The following ULK2 variants were observed in gnomAD, a reference collection of about 807,000 sequenced individuals.
ULK2 encodes unc-51 like autophagy activating kinase 2, also known as serine/threonine-protein kinase ULK2.
Under a neutral mutation model 127.5 loss-of-function variants are expected in ULK2, and 76 were observed. That is an observed-to-expected ratio of 0.60 (90% CI 0.50 to 0.72). The LOEUF (loss-of-function observed/expected upper bound fraction) is 0.72, where lower values mean the gene tolerates loss of function less well. Among genes scored for constraint, ULK2 ranks in the 30% least tolerant of loss-of-function variants. The pLI is 0.00. For synonymous variants in ULK2, 452 were observed against 461.9 expected (o/e 0.98, Z 0.28); for missense variants, 1,144 against 1,295.9 (o/e 0.88, Z 1.80).
intron 12 of ULK2, among the ~76,000 whole-genome samples, chr17:19,822,008 T>C (rs933964745): frequency 1.3e-5 from 2 of 151,390 alleles, no homozygotes; most frequent in Non-Finnish European, 2.9e-5. Context: ...TTTTTTTTTT[T>C]CTTTGAGAGA....
At chr17:19,817,651 T>A (rs547922402) in intron 12 of ULK2, among the ~76,000 whole-genome samples, 1 of 152,336 alleles carries the variant, frequency 6.6e-6, no homozygotes, top group Admixed American at 6.5e-5. Flanking sequence ...TGACAACTCA[T>A]TGAATATCTT....
intron 17 of ULK2, among the ~76,000 whole-genome samples, chr17:19,797,986 G>A (rs967279770): frequency 2.6e-5 from 4 of 152,020 alleles, no homozygotes; most frequent in East Asian, 1.9e-4. Context: ...GAACAATATC[G>A]TTAATGATTA....
At position 19,798,810 on chromosome 17, in the gene ULK2, A is replaced by T. The variant is rs189579832; in HGVS notation, c.1522+685T>A. ...CACACATATCTTTTCAGGCAAATAC[A>T]TATAATTTTTAAAATCTATATTATT... On this transcript the variant is annotated intron_variant, in intron 17 of 26. Transcript: ENST00000395544. 3.0e-4 allele frequency among the ~76,000 whole-genome samples: 45 copies of T among 152,304 alleles called. 1 individual carries two copies. Among genetic ancestry groups the T allele is most frequent in the Admixed American group, 2.9e-3 (44 of 15,296 alleles).
At chr17:19,866,619 TTTAAGA>T (rs1357434094) in intron 1 of ULK2, among the ~76,000 whole-genome samples, 7 of 152,238 alleles carry the variant, frequency 4.6e-5, no homozygotes, top group East Asian at 1.9e-4. Flanking sequence ...TGCCACACCC[TTTAAGA>T]TTATTTCCAC....
At chr17:19,847,662 G>A (rs879688297) in intron 5 of ULK2, among the ~76,000 whole-genome samples, 1 of 152,168 alleles carries the variant, frequency 6.6e-6, no homozygotes, top group Admixed American at 6.5e-5. Context: ...AGATTCTCCA[G>A]CTTCAGCCTC....
At chr17:19,822,213 T>C (rs909429950) in intron 12 of ULK2, among the ~76,000 whole-genome samples, 2 of 151,716 alleles carry the variant, frequency 1.3e-5, no homozygotes, top group African/African-American at 2.4e-5. Flanking sequence ...CTCAAACTCC[T>C]AATCTCAAGC....
intron 12 of ULK2, among the ~76,000 whole-genome samples, chr17:19,821,938 G>T (rs1363232208): frequency 6.6e-6 from 1 of 151,026 alleles, no homozygotes; most frequent in Non-Finnish European, 1.5e-5. Flanking sequence ...CTCCCACCTT[G>T]GCCTTCCAAA....
intron 20 of ULK2, among the ~76,000 whole-genome samples, chr17:19,794,860 C>T (rs950130367): frequency 6.6e-6 from 1 of 151,918 alleles, no homozygotes; most frequent in Non-Finnish European, 1.5e-5. Flanking sequence ...GGGTGGATCA[C>T]GAGGTCAGGA....
intron 20 of ULK2, among the ~76,000 whole-genome samples, chr17:19,790,000 T>C (rs1279939984): frequency 2.6e-5 from 4 of 151,680 alleles, no homozygotes; most frequent in African/African-American, 9.7e-5. Context: ...ACTACAACTT[T>C]TCAAGACATA....
chr17:19,840,401 G>A (rs1413895392), intron 9 of ULK2: 1 of 511,024 alleles, frequency 2.0e-6, no homozygotes, highest in Non-Finnish European at 3.9e-6. Flanking sequence ...TGGGCGCTCT[G>A]TGTGCATTTG....
intron 9 of ULK2, 94 bp downstream of exon 9, chr17:19,841,395 G>A (rs570426577): frequency 3.2e-6 from 4 of 1,262,254 alleles, no homozygotes; most frequent in Non-Finnish European, 4.4e-6. Context: ...AACTGAAAAA[G>A]AATTAAAAAA....
intron 10 of ULK2, among the ~76,000 whole-genome samples, chr17:19,828,154 T>C (rs2041342848): frequency 6.6e-6 from 1 of 152,162 alleles, no homozygotes; most frequent in Admixed American, 6.5e-5. Flanking sequence ...GAATTCTACA[T>C]TCCACAAAAC....
At chr17:19,849,307 TCTTAGGATTA>T in intron 5 of ULK2, 52 bp downstream of exon 5, 2 of 1,449,300 alleles carry the variant, frequency 1.4e-6, no homozygotes, top group Admixed American at 3.7e-5. Flanking sequence ...CACAAGTACC[TCTTAGGATTA>T]AACAGGCTGC....
At position 19,775,571 on chromosome 17, in the gene ULK2, T is replaced by TTA. The variant is rs2086798901; in HGVS notation, c.*777_*778insTA. 6.7e-6 allele frequency: 1 copy of TTA among 148,656 alleles called. No homozygotes were observed. Among genetic ancestry groups the TTA allele is most frequent in the Admixed American group, 6.7e-5 (1 of 14,894 alleles). The allele number at this position is 148,656 out of a possible 1,614,324, so 9.2% of individuals were successfully genotyped here. On this transcript the variant is annotated 3_prime_UTR_variant, in exon 27 of 27. Transcript: ENST00000395544. ...AAATCTGTAGGTGTAGATAAAGAAG[T>TTA]AAAAAAAAAAAATGTGCAAAGGTTC...
chr17:19,821,435 G>A (rs954194956), intron 12 of ULK2, among the ~76,000 whole-genome samples: 4 of 151,842 alleles, frequency 2.6e-5, no homozygotes, highest in Admixed American at 2.0e-4. Flanking sequence ...TTTTGGGGGG[G>A]GCCTAGAATT....
chr17:19,852,518 C>CAAAAAA (rs1241027121), intron 3 of ULK2, among the ~76,000 whole-genome samples: 1 of 54,424 alleles, frequency 1.8e-5, no homozygotes, highest in Non-Finnish European at 4.1e-5. Flanking sequence ...GACTCCATCT[C>CAAAAAA]AAAAAAAAAA....
chr17:19,811,583 A>C (rs767882378), intron 13 of ULK2, among the ~76,000 whole-genome samples: 63 of 152,188 alleles, frequency 4.1e-4, no homozygotes, highest in Non-Finnish European at 7.6e-4. Context: ...CTGGGATTAC[A>C]GGTGTGTGCC....
rs12452420 is a variant in ULK2 at position 19,836,818 on chromosome 17, T to C, written c.787+1683A>G. 5.6e-3 allele frequency among the ~76,000 whole-genome samples: 841 copies of C among 150,570 alleles called. 25 individuals are homozygous for C. Among genetic ancestry groups the C allele is most frequent in the Admixed American group, 0.043 (654 of 15,102 alleles). ...CTACTCGGGAGGCTGAGGCAGAGAA[T>C]TGCCTGAACCCAGGAGGCGGAAGTT... On this transcript the variant is annotated intron_variant, in intron 10 of 26. Coordinates refer to ENST00000395544, the MANE Select transcript of ULK2 (RefSeq NM_014683.4).
At position 19,771,136 on chromosome 17, in the gene ULK2, T is replaced by G. The variant is rs2086732384; in HGVS notation, c.*5213A>C. 6.6e-6 allele frequency: 1 copy of G among 152,138 alleles called. No homozygotes were observed. The allele number at this position is 152,138 out of a possible 1,614,324, so 9.4% of individuals were successfully genotyped here. A position where few individuals can be genotyped will look rare whatever the true frequency, so the allele number is the denominator to read the frequency against. On this transcript the variant is annotated 3_prime_UTR_variant, in exon 27 of 27. Coordinates refer to ENST00000395544, the MANE Select transcript of ULK2 (RefSeq NM_014683.4). ...TTTGGGCTTCCTAAGGGTGAGACAG[T>G]GTGGGGCTCCTGTGGGGAGATGGGT...
Sources: allele counts gnomAD v4.1 joint callset (sites outside exome capture counted in the v4.1 genomes callset), GRCh38; gene constraint gnomAD v4.1.1; transcripts MANE v1.5; gene names NCBI Gene and HGNC (gene_info 2026-07-23, HGNC 2026-07-21).